The following GPM6A variants were observed in gnomAD, a reference collection of about 807,000 sequenced individuals.
The protein encoded by GPM6A is glycoprotein M6A, also known as neuronal membrane glycoprotein M6-a.
A neutral mutation model predicts 32.1 loss-of-function variants in GPM6A; 7 were observed. The observed-to-expected ratio is 0.22, with a 90% confidence interval of 0.12 to 0.41. GPM6A has a LOEUF of 0.41. Ranked by LOEUF, GPM6A falls within the 10% of genes least tolerant of loss-of-function variation. The probability of loss-of-function intolerance (pLI) is 1.00; values close to 1 mark genes in which losing one functional copy is unlikely to be tolerated. For missense variants in GPM6A, 235 were observed against 347.2 expected, an observed-to-expected ratio of 0.68 and a Z score of 2.57; for synonymous variants, 130 against 123.4, an observed-to-expected ratio of 1.05 and a Z score of -0.35.
At chr4:175,946,012 T>C (rs73871301) in intron 1 of GPM6A, among the ~76,000 whole-genome samples, 8,635 of 151,254 alleles carry the variant, frequency 0.057, 825 homozygotes, top group African/African-American at 0.2. Flanking sequence ...ACTGGAGACT[T>C]AGAAGACTAA....
intron 1 of GPM6A, among the ~76,000 whole-genome samples, chr4:175,865,582 C>T (rs544663165): frequency 2.6e-5 from 4 of 152,208 alleles, no homozygotes; most frequent in Admixed American, 2.6e-4. Flanking sequence ...TCTTCATTTA[C>T]TTAGTTCTTC....
chr4:175,642,768 A>T (rs1741222467), intron 4 of GPM6A, among the ~76,000 whole-genome samples: 1 of 152,092 alleles, frequency 6.6e-6, no homozygotes, highest in South Asian at 2.1e-4. Context: ...CCAGTCCCAG[A>T]TATTTAAATA....
chr4:175,900,221 C>A (rs1332483087), intron 1 of GPM6A, among the ~76,000 whole-genome samples: 4 of 148,824 alleles, frequency 2.7e-5, no homozygotes, highest in Non-Finnish European at 5.9e-5. Flanking sequence ...TGCAGTGAGC[C>A]AAGATCGCAC....
chr4:175,978,482 A>C (rs1001026823), intron 1 of GPM6A, among the ~76,000 whole-genome samples: 1 of 152,146 alleles, frequency 6.6e-6, no homozygotes, highest in Non-Finnish European at 1.5e-5. Context: ...AGAGTACCCA[A>C]AAAAAGATCA....
At chr4:175,922,063 C>G (rs750237055) in intron 1 of GPM6A, among the ~76,000 whole-genome samples, 4 of 152,050 alleles carry the variant, frequency 2.6e-5, no homozygotes, top group Non-Finnish European at 5.9e-5. Context: ...TGCTTGCCTA[C>G]CTAATACTTA....
intron 1 of GPM6A, among the ~76,000 whole-genome samples, chr4:175,922,191 A>G (rs1365103344): frequency 6.6e-6 from 1 of 152,218 alleles, no homozygotes; most frequent in Non-Finnish European, 1.5e-5. Context: ...GAAATACCTG[A>G]CACATGTTAG....
chr4:175,704,286 A>G (rs1328020032), intron 1 of GPM6A, among the ~76,000 whole-genome samples: 1 of 151,802 alleles, frequency 6.6e-6, no homozygotes, highest in Non-Finnish European at 1.5e-5. Context: ...TGTTTCTTGA[A>G]CATTCCTCCC....
At chr4:175,781,571 G>A (rs547502632) in intron 1 of GPM6A, among the ~76,000 whole-genome samples, 19 of 152,154 alleles carry the variant, frequency 1.2e-4, no homozygotes, top group African/African-American at 4.6e-4. Flanking sequence ...TTCTAACTAT[G>A]GGCATTCACT....
rs776144315 is a variant in GPM6A, at chr4:175,850,139, C to A, written c.-22-37890G>T. Among the ~76,000 whole-genome samples, 194 of 152,236 alleles carry A rather than the reference C, an allele frequency of 1.3e-3. 1 individual carries two copies. Among genetic ancestry groups the A allele is most frequent in the Non-Finnish European group, 1.6e-3 (108 of 68,004 alleles). ...TTTACTCAGCACGAAAGAAGACAAC[C>A]TTCTTTCATTCTTTCCAAATTCCTG... is the stretch of plus-strand genomic sequence containing the variant. On this transcript the variant is annotated intron_variant, in intron 1 of 7. Transcript: ENST00000280187.
intron 1 of GPM6A, among the ~76,000 whole-genome samples, chr4:175,938,105 A>C (rs991182770): frequency 1.3e-5 from 2 of 152,194 alleles, no homozygotes; most frequent in African/African-American, 4.8e-5. Flanking sequence ...TATTAAAATG[A>C]TTTTGACATT....
intron 1 of GPM6A, among the ~76,000 whole-genome samples, chr4:175,963,687 G>A (rs1740240097): frequency 6.6e-6 from 1 of 152,102 alleles, no homozygotes; most frequent in African/African-American, 2.4e-5. Flanking sequence ...ATAGAGAAAT[G>A]AAGAGCTTTA....
rs959609120 is a variant in GPM6A at position 175,701,883 on chromosome 4, T to C, written c.38-116A>G. ...TGCACTGACAATACCAGGTCAACCA[T>C]ACAAATGAAGTCCTAGAGTGCATTG... On this transcript the variant is annotated intron_variant, in intron 1 of 6. Coordinates refer to ENST00000393658, the MANE Select transcript of GPM6A (RefSeq NM_201591.3). The C allele has an allele frequency of 1.0e-5, 7 of 669,242 alleles. No homozygotes were observed. In the Admixed American group the frequency reaches 1.7e-4, roughly 17 times the overall value. The allele number at this position is 669,242 out of a possible 1,614,324, so 41.5% of individuals were successfully genotyped here.
chr4:175,818,543 C>T (rs1045382184), intron 1 of GPM6A, among the ~76,000 whole-genome samples: 4 of 152,232 alleles, frequency 2.6e-5, no homozygotes, highest in Admixed American at 6.5e-5. Context: ...ATCTTTCCCC[C>T]TCACACAAGA....
At chr4:175,864,796 AT>A (rs1012829786) in intron 1 of GPM6A, among the ~76,000 whole-genome samples, 1 of 151,430 alleles carries the variant, frequency 6.6e-6, no homozygotes, top group Non-Finnish European at 1.5e-5. Flanking sequence ...TATAATTTTC[AT>A]TTTTTTATTT....
chr4:175,813,426 T>C (rs1735004870), upstream of GPM6A, among the ~76,000 whole-genome samples: 1 of 152,082 alleles, frequency 6.6e-6, no homozygotes, highest in African/African-American at 2.4e-5. Context: ...AAATAAACAG[T>C]ATCTCTTTCA....
chr4:175,883,447 T>C (rs537860941), intron 1 of GPM6A, among the ~76,000 whole-genome samples: 222 of 152,256 alleles, frequency 1.5e-3, no homozygotes, highest in Non-Finnish European at 1.7e-3. Context: ...TTCACATAAC[T>C]TTTTCCCTGA....
chr4:175,635,645 G>A (rs115017720), intron 6 of GPM6A, among the ~76,000 whole-genome samples: 6,389 of 152,110 alleles, frequency 0.042, 174 homozygotes, highest in Admixed American at 0.073. Context: ...CACAAAAACT[G>A]GAATAGTGCC....
chr4:175,747,276 A>T (rs13136017), intron 1 of GPM6A, among the ~76,000 whole-genome samples: 1 of 118,138 alleles, frequency 8.5e-6, no homozygotes, highest in Non-Finnish European at 2.0e-5. Flanking sequence ...CTCCAAAAAA[A>T]AAAAAAAAAA....
At chr4:175,640,001 T>C in intron 6 of GPM6A, 128 bp downstream of exon 6, 2 of 801,568 alleles carry the variant, frequency 2.5e-6, no homozygotes, top group Admixed American at 3.6e-5. Flanking sequence ...TTTCCCTACT[T>C]TTTTTAATCT....
Sources: allele counts gnomAD v4.1 joint callset (sites outside exome capture counted in the v4.1 genomes callset), GRCh38; gene constraint gnomAD v4.1.1; transcripts MANE v1.5; gene names NCBI Gene and HGNC (gene_info 2026-07-23, HGNC 2026-07-21).